The following LINGO2 variants were observed in gnomAD, a reference collection of about 807,000 sequenced individuals.
The protein encoded by LINGO2 is leucine rich repeat and Ig domain containing 2.
A neutral mutation model predicts 30.6 loss-of-function variants in LINGO2; 14 were observed. The observed-to-expected ratio is 0.46, with a 90% CI of 0.30 to 0.72. The LOEUF is 0.72. Among genes scored for constraint, LINGO2 ranks in the 30% least tolerant of loss-of-function variants. The pLI is 0.07. For missense variants in LINGO2, 729 were observed against 751.7 expected (o/e 0.97, Z 0.35); for synonymous variants, 317 against 288.5 (o/e 1.10, Z -1.00).
At chr9:28,397,542 T>C (rs917750048) in intron 2 of LINGO2, among the ~76,000 whole-genome samples, 2 of 143,892 alleles carry the variant, frequency 1.4e-5, no homozygotes, top group Non-Finnish European at 3.0e-5. Flanking sequence ...ACAATAGATG[T>C]CTTTTTTTTT....
chr9:29,093,604 G>T, the LINGO2 span, among the ~76,000 whole-genome samples: 1 of 135,316 alleles, frequency 7.4e-6, no homozygotes, highest in South Asian at 2.3e-4. Flanking sequence ...CACCTAAATA[G>T]TATCACCTAA....
the LINGO2 span, among the ~76,000 whole-genome samples, chr9:29,171,219 T>A: frequency 2.0e-5 from 3 of 152,088 alleles, no homozygotes; most frequent in Non-Finnish European, 4.4e-5. Context: ...TTGCATATGG[T>A]TCCTTAAACA....
At chr9:29,067,421 T>A in the LINGO2 span, among the ~76,000 whole-genome samples, 11 of 151,830 alleles carry the variant, frequency 7.2e-5, no homozygotes, top group African/African-American at 2.6e-4. Context: ...ATTAACCTAT[T>A]AAACTCTTAT....
chr9:29,004,242 ATTCT>A, the LINGO2 span, among the ~76,000 whole-genome samples: 4 of 151,972 alleles, frequency 2.6e-5, no homozygotes, highest in Admixed American at 1.3e-4. Flanking sequence ...TCTTTTTATA[ATTCT>A]TTATCTTTGA....
chr9:28,561,505 A>G (rs1476521212), intron 1 of LINGO2, among the ~76,000 whole-genome samples: 1 of 149,594 alleles, frequency 6.7e-6, no homozygotes, highest in Non-Finnish European at 1.5e-5. Context: ...AGAACCTTAT[A>G]TTTATTTTAA....
chr9:28,928,741 G>C, the LINGO2 span, among the ~76,000 whole-genome samples: 5 of 152,040 alleles, frequency 3.3e-5, no homozygotes, highest in South Asian at 1.0e-3. Flanking sequence ...TTGTTTGTTT[G>C]TTTTTAACTG....
chr9:28,991,998 C>G, the LINGO2 span, among the ~76,000 whole-genome samples: 2 of 152,124 alleles, frequency 1.3e-5, no homozygotes, highest in Admixed American at 1.3e-4. Flanking sequence ...ATGACAGAAA[C>G]AAATTCACAC....
the LINGO2 span, among the ~76,000 whole-genome samples, chr9:28,785,955 C>T: frequency 3.9e-5 from 6 of 152,284 alleles, no homozygotes; most frequent in East Asian, 7.7e-4. Context: ...AAACTACGTA[C>T]GACCTTCTGT....
intron 1 of LINGO2, among the ~76,000 whole-genome samples, chr9:28,652,207 A>G (rs1423721908): frequency 1.3e-5 from 2 of 152,156 alleles, no homozygotes; most frequent in Non-Finnish European, 2.9e-5. Flanking sequence ...CGTGTTTAAC[A>G]ATAGGCTAAT....
chr9:28,424,277 A>G (rs1275056325), intron 2 of LINGO2, among the ~76,000 whole-genome samples: 1 of 152,184 alleles, frequency 6.6e-6, no homozygotes, highest in Non-Finnish European at 1.5e-5. Flanking sequence ...GTGAAGTTAT[A>G]CAACTTTTAG....
At chr9:28,944,220 A>G in the LINGO2 span, among the ~76,000 whole-genome samples, 1 of 152,188 alleles carries the variant, frequency 6.6e-6, no homozygotes, top group Non-Finnish European at 1.5e-5. Context: ...TCAAGGAAGA[A>G]AGAGAAGCAG....
chr9:28,680,023 T>A, the LINGO2 span, among the ~76,000 whole-genome samples: 1 of 152,006 alleles, frequency 6.6e-6, no homozygotes, highest in Non-Finnish European at 1.5e-5. Context: ...GGAATTATAT[T>A]CTAGGTGACT....
At chr9:28,542,403 C>CA in intron 1 of LINGO2, among the ~76,000 whole-genome samples, 1 of 152,088 alleles carries the variant, frequency 6.6e-6, no homozygotes, top group South Asian at 2.1e-4. Context: ...AAAGATGGCC[C>CA]TCTGAGAGGC....
the LINGO2 span, among the ~76,000 whole-genome samples, chr9:28,773,179 C>T: frequency 6.6e-6 from 1 of 151,964 alleles, no homozygotes; most frequent in East Asian, 1.9e-4. Context: ...TCCTGGCTAA[C>T]ACAGTGAAAC....
intron 4 of LINGO2, among the ~76,000 whole-genome samples, chr9:28,226,469 C>T (rs1821147664): frequency 6.6e-6 from 1 of 151,828 alleles, no homozygotes; most frequent in Admixed American, 6.6e-5. Context: ...GCTTTTTTCT[C>T]TTACCAGGTA....
intron 1 of LINGO2, among the ~76,000 whole-genome samples, chr9:28,630,908 C>A (rs1265800301): frequency 6.6e-6 from 1 of 151,328 alleles, no homozygotes; most frequent in Non-Finnish European, 1.5e-5. Flanking sequence ...AAAAAAGTAG[C>A]CCCATGGAGA....
At chr9:28,498,139 C>A (rs1283267618) in intron 1 of LINGO2, among the ~76,000 whole-genome samples, 1 of 152,284 alleles carries the variant, frequency 6.6e-6, no homozygotes, top group African/African-American at 2.4e-5. Context: ...TGACCATTCT[C>A]AGATCTCAAA....
intron 2 of LINGO2, among the ~76,000 whole-genome samples, chr9:28,438,917 A>AAT (rs3064819): frequency 0.71 from 101,713 of 143,334 alleles, 36,397 homozygotes; most frequent in East Asian, 0.84. Flanking sequence ...TATATAATGA[A>AAT]ATATATATCT....
the LINGO2 span, among the ~76,000 whole-genome samples, chr9:29,162,101 G>C: frequency 6.6e-6 from 1 of 152,000 alleles, no homozygotes; most frequent in Non-Finnish European, 1.5e-5. Flanking sequence ...TGTATTTTGG[G>C]TAGGTACGGA....
Sources: allele counts gnomAD v4.1 joint callset (sites outside exome capture counted in the v4.1 genomes callset), GRCh38; gene constraint gnomAD v4.1.1; transcripts MANE v1.5; gene names NCBI Gene and HGNC (gene_info 2026-07-23, HGNC 2026-07-21).